BANK1: variants seen among roughly 807,000 people sequenced by gnomAD.
BANK1 encodes B-cell scaffold protein with ankyrin repeats.
BANK1 carries 95 observed loss-of-function variants against 94.5 expected under a neutral mutation model. That is an observed-to-expected ratio of 1.00 (90% confidence interval 0.85 to 1.19). The LOEUF (loss-of-function observed/expected upper bound fraction) is 1.19, where lower values mean the gene tolerates loss of function less well. BANK1 is among the 50% of genes most tolerant of loss of function. The probability of loss-of-function intolerance (pLI) is 0.00; values close to 1 mark genes in which losing one functional copy is unlikely to be tolerated. For synonymous variants in BANK1, 334 were observed against 308.4 expected (o/e 1.08, Z -0.87); for missense variants, 987 against 932.2 (o/e 1.06, Z -0.77).
At chr4:101,924,494 C>T (rs987434856) in intron 7 of BANK1, among the ~76,000 whole-genome samples, 2 of 151,774 alleles carry the variant, frequency 1.3e-5, no homozygotes, top group African/African-American at 2.4e-5. Flanking sequence ...CCTGGGTTCT[C>T]ATTCATTACT....
At chr4:101,807,526 G>A (rs1421745707) in intron 1 of BANK1, among the ~76,000 whole-genome samples, 1 of 152,146 alleles carries the variant, frequency 6.6e-6, no homozygotes. Flanking sequence ...CTCTGTGACT[G>A]CCTGCCACTA....
At chr4:102,063,818 CAAAAA>C (rs1205075236) in intron 13 of BANK1, among the ~76,000 whole-genome samples, 2 of 71,360 alleles carry the variant, frequency 2.8e-5, no homozygotes. Context: ...GACTCTATCT[CAAAAA>C]AAAAAAAAAA....
intron 1 of BANK1, among the ~76,000 whole-genome samples, chr4:101,822,402 T>C (rs1726194860): frequency 6.6e-6 from 1 of 151,844 alleles, no homozygotes. Flanking sequence ...CTGTATGAGA[T>C]AGTAATGTTA....
At chr4:101,914,516 T>G (rs1176516409) in intron 6 of BANK1, among the ~76,000 whole-genome samples, 2 of 152,162 alleles carry the variant, frequency 1.3e-5, no homozygotes, top group Non-Finnish European at 2.9e-5. Flanking sequence ...ATGCACTTGA[T>G]TCTCATTATT....
intron 1 of BANK1, among the ~76,000 whole-genome samples, chr4:101,819,864 T>C (rs1221893361): frequency 2.0e-5 from 3 of 152,192 alleles, no homozygotes; most frequent in African/African-American, 4.8e-5. Context: ...GCTGGTGTCC[T>C]ATTTGTGTAT....
intron 6 of BANK1, among the ~76,000 whole-genome samples, chr4:101,899,060 C>T (rs918248088): frequency 6.6e-6 from 1 of 151,780 alleles, no homozygotes; most frequent in Admixed American, 6.6e-5. Flanking sequence ...TTCCAGTATA[C>T]AAATTTTGCG....
intron 5 of BANK1, among the ~76,000 whole-genome samples, chr4:101,872,161 G>A (rs1728314045): frequency 6.6e-6 from 1 of 152,088 alleles, no homozygotes; most frequent in Non-Finnish European, 1.5e-5. Context: ...TTTACCATCA[G>A]GAGAGAGCCA....
At chr4:102,048,533 C>T (rs1022416196) in intron 11 of BANK1, among the ~76,000 whole-genome samples, 2 of 152,058 alleles carry the variant, frequency 1.3e-5, no homozygotes, top group African/African-American at 4.8e-5. Context: ...CTAGGAAAAG[C>T]AGTACATACT....
chr4:102,017,599 A>G (rs1411228131), intron 7 of BANK1, among the ~76,000 whole-genome samples: 2 of 152,190 alleles, frequency 1.3e-5, no homozygotes, highest in Non-Finnish European at 2.9e-5. Context: ...TTTGAAAGCT[A>G]ACCATTTTCA....
chr4:101,910,405 T>C (rs567824868), intron 6 of BANK1, among the ~76,000 whole-genome samples: 1 of 151,978 alleles, frequency 6.6e-6, no homozygotes, highest in Non-Finnish European at 1.5e-5. Context: ...GCAGAGGCTG[T>C]GTGTGATGGC....
chr4:101,998,790 T>C (rs1725965033), intron 7 of BANK1, among the ~76,000 whole-genome samples: 1 of 152,178 alleles, frequency 6.6e-6, no homozygotes, highest in African/African-American at 2.4e-5. Context: ...TCTTTAGCTG[T>C]TCTTTTTGCT....
At chr4:101,895,159 G>T (rs1429667812) in intron 5 of BANK1, 146 bp from the exon 6 acceptor site, 4 of 468,502 alleles carry the variant, frequency 8.5e-6, no homozygotes, top group Admixed American at 4.4e-5. Flanking sequence ...CTTATGTTTT[G>T]ATTTATTCTT....
chr4:101,857,956 G>A (rs1321576479), intron 3 of BANK1, among the ~76,000 whole-genome samples: 1 of 151,746 alleles, frequency 6.6e-6, no homozygotes, highest in Non-Finnish European at 1.5e-5. Flanking sequence ...TTTTTGTGTG[G>A]GTCAATTGAC....
At chr4:101,801,578 A>T (rs1414211120) in intron 1 of BANK1, among the ~76,000 whole-genome samples, 1 of 152,232 alleles carries the variant, frequency 6.6e-6, no homozygotes, top group Non-Finnish European at 1.5e-5. Context: ...ACCTCTGTCT[A>T]TTCATGCTCA....
At chr4:102,010,293 A>G (rs1456564955) in intron 7 of BANK1, among the ~76,000 whole-genome samples, 1 of 152,030 alleles carries the variant, frequency 6.6e-6, no homozygotes, top group Non-Finnish European at 1.5e-5. Flanking sequence ...AAACAAAGAA[A>G]CAAACAAAAC....
intron 10 of BANK1, among the ~76,000 whole-genome samples, chr4:102,039,840 C>A (rs775692053): frequency 2.0e-5 from 3 of 151,988 alleles, no homozygotes; most frequent in Non-Finnish European, 4.4e-5. Context: ...GCCCAGAGCA[C>A]AATACGAATC....
At chr4:102,006,444 G>A (rs1355493409) in intron 7 of BANK1, among the ~76,000 whole-genome samples, 1 of 151,806 alleles carries the variant, frequency 6.6e-6, no homozygotes. Flanking sequence ...GTGCATTCAG[G>A]GCAAAGAACC....
At chr4:101,935,134 C>G (rs1188546450) in intron 7 of BANK1, among the ~76,000 whole-genome samples, 1 of 151,462 alleles carries the variant, frequency 6.6e-6, no homozygotes, top group African/African-American at 2.4e-5. Context: ...ATATAAGTAC[C>G]ATGAGGACAG....
intron 2 of BANK1, among the ~76,000 whole-genome samples, chr4:101,852,494 A>ATATG (rs1169205983): frequency 8.9e-6 from 1 of 112,138 alleles, no homozygotes; most frequent in East Asian, 2.5e-4. Flanking sequence ...ATATATATAT[A>ATATG]TATATATATA....
Sources: allele counts gnomAD v4.1 joint callset (sites outside exome capture counted in the v4.1 genomes callset), GRCh38; gene constraint gnomAD v4.1.1; transcripts MANE v1.5; gene names NCBI Gene and HGNC (gene_info 2026-07-23, HGNC 2026-07-21).